The following PHF8 variants were observed in gnomAD, a reference collection of about 807,000 sequenced individuals.
PHF8 encodes histone lysine demethylase PHF8.
A neutral mutation model predicts 74.4 loss-of-function variants in PHF8; 9 were observed. The observed-to-expected ratio is 0.12, with a 90% CI of 0.07 to 0.21. The LOEUF is 0.21. PHF8 is among the 10% of genes least tolerant of loss of function. PHF8 has a pLI of 1.00. For missense variants in PHF8, 478 were observed against 816.6 expected (o/e 0.59, Z 5.05); for synonymous variants, 311 against 316.6 (o/e 0.98, Z 0.19).
At chrX:53,988,907 AT>A (rs1168566088) in intron 14 of PHF8, among the ~76,000 whole-genome samples, 3 of 110,326 alleles carry the variant, frequency 2.7e-5, no homozygotes, top group African/African-American at 9.9e-5. Flanking sequence ...CACAGTATAG[AT>A]TTTATCAAAT....
chrX:53,940,571 C>A, intron 20 of PHF8, 55 bp from the exon 21 acceptor site: 1 of 875,096 alleles, frequency 1.1e-6, no homozygotes, highest in East Asian at 3.3e-5. Flanking sequence ...GACAAGTTCC[C>A]AGGAAAGGAA....
At chrX:54,042,946 G>T in intron 1 of PHF8, 126 bp from the exon 2 acceptor site, 2 of 571,921 alleles carry the variant, frequency 3.5e-6, no homozygotes, top group Non-Finnish European at 5.2e-6. Context: ...GGCTGTAGGG[G>T]GCAACCAGAG....
intron 20 of PHF8, chrX:53,943,424 A>G (rs2064782134): frequency 9.4e-6 from 10 of 1,059,471 alleles, no homozygotes; most frequent in Middle Eastern, 5.1e-4. Flanking sequence ...TGAAAATATC[A>G]CCTGTTGAAC....
In PHF8 at chrX:53,937,863, C is replaced by A. The variant is rs1273791863; in HGVS notation, c.*1295G>T. On this transcript the variant is annotated 3_prime_UTR_variant, in exon 22 of 22. Transcript: ENST00000338154. ...ATGGAGGTGGGGGGATGTTCTCCAT[C>A]GAGTCCAGATTGCCAGTGAGGCAAG... 1.6e-5 allele frequency: 9 copies of A among 571,305 alleles called. No homozygotes were observed. Among genetic ancestry groups the A allele is most frequent in the African/African-American group, 2.3e-5 (1 of 43,773 alleles). 47.1% of individuals were successfully genotyped at this position (571,305 alleles called of 1,213,427 possible).
intron 18 of PHF8, among the ~76,000 whole-genome samples, chrX:53,970,919 C>T (rs1388109942): frequency 1.8e-5 from 2 of 111,338 alleles, no homozygotes; most frequent in Admixed American, 9.6e-5. Context: ...ACCCCACTGA[C>T]GATATTAGAC....
chrX:54,037,405 C>T (rs1222107055), intron 2 of PHF8, among the ~76,000 whole-genome samples: 1 of 111,224 alleles, frequency 9.0e-6, no homozygotes, highest in Non-Finnish European at 1.9e-5. Context: ...GTGCCACCCA[C>T]CCTGCTAATT....
Position 54,044,017 on chromosome X carries a change from G to T in PHF8, c.-348C>A, listed in dbSNP as rs1036786735. 18 of 754,006 alleles carry T rather than the reference G, an allele frequency of 2.4e-5. No homozygotes were observed. The highest frequency in any genetic ancestry group is 2.7e-5 in the Non-Finnish European group (17 of 639,055). The allele number at this position is 754,006 out of a possible 1,213,427, so 62.1% of individuals were successfully genotyped here. A position where few individuals can be genotyped will look rare whatever the true frequency, so the allele number is the denominator to read the frequency against. On this transcript the variant is annotated 5_prime_UTR_variant, in exon 1 of 22. Coordinates refer to ENST00000338154, the MANE Select transcript of PHF8 (RefSeq NM_015107.3). The stretch of plus-strand genomic sequence containing the variant: ...CGAATTCTGGGATAGTCCCCGTACC[G>T]CCGGGAACCTCGCTCGCCTTCCCCT...
chrX:53,996,118 G>A (rs1388542489), intron 11 of PHF8, among the ~76,000 whole-genome samples: 1 of 109,828 alleles, frequency 9.1e-6, no homozygotes, highest in Non-Finnish European at 1.9e-5. Flanking sequence ...AACATTATGA[G>A]ACTTTTTTTT....
At chrX:54,011,709 T>G (rs2149869558) in intron 7 of PHF8, among the ~76,000 whole-genome samples, 1 of 111,158 alleles carries the variant, frequency 9.0e-6, no homozygotes, top group Non-Finnish European at 1.9e-5. Context: ...AGAGTGTTCC[T>G]TCCCACACCT....
At chrX:53,942,162 C>A (rs1374043359) in intron 20 of PHF8, among the ~76,000 whole-genome samples, 1 of 111,830 alleles carries the variant, frequency 8.9e-6, no homozygotes, top group Non-Finnish European at 1.9e-5. Flanking sequence ...GTTAGCAGAT[C>A]CCCGCCCAAG....
At chrX:53,998,000 G>A (rs2149845484) in intron 11 of PHF8, among the ~76,000 whole-genome samples, 2 of 112,279 alleles carry the variant, frequency 1.8e-5, no homozygotes, top group Non-Finnish European at 3.8e-5. Flanking sequence ...ACAGGAAAGG[G>A]AGTATCTGAA....
intron 8 of PHF8, among the ~76,000 whole-genome samples, chrX:54,009,844 GAAAAAAAAAAAAAAAAAAAA>G (rs782363250): frequency 0.022 from 207 of 9,387 alleles, 6 homozygotes; most frequent in East Asian, 0.034. Context: ...CTCTGTCTCA[GAAAAAAAAAAAAAAAAAAAA>G]AAAAAAAAAA....
At chrX:53,955,967 TG>T (rs1340973843) in intron 19 of PHF8, among the ~76,000 whole-genome samples, 2 of 111,334 alleles carry the variant, frequency 1.8e-5, no homozygotes, top group African/African-American at 6.5e-5. Context: ...GTTTTTTGGC[TG>T]GGCGTGGTAG....
chrX:54,015,834 T>C (rs782557547), intron 6 of PHF8, among the ~76,000 whole-genome samples: 1 of 111,292 alleles, frequency 9.0e-6, no homozygotes, highest in African/African-American at 3.3e-5. Flanking sequence ...ACTATATACG[T>C]ATCTACTGTG....
intron 18 of PHF8, among the ~76,000 whole-genome samples, chrX:53,974,883 C>T (rs1376552137): frequency 7.2e-5 from 8 of 111,213 alleles, no homozygotes; most frequent in African/African-American, 2.3e-4. Flanking sequence ...ACATGGGAGG[C>T]GGGGAACAAC....
In PHF8 at chrX:54,001,008, T is replaced by C. The variant is rs375495856; in HGVS notation, c.1142-1047A>G. 2.6e-4 allele frequency among the ~76,000 whole-genome samples: 29 copies of C among 113,014 alleles called. No homozygotes were observed. In the East Asian group the frequency reaches 4.4e-3, roughly 17 times the overall value. ...AATCTAAGAAGGTCACGTACTATAA[T>C]GATTCCATTTATACAATATTTTTGA... is the stretch of plus-strand genomic sequence containing the variant. On this transcript the variant is annotated intron_variant, in intron 10 of 21. Coordinates refer to ENST00000338154, the MANE Select transcript of PHF8 (RefSeq NM_015107.3).
chrX:53,972,824 G>A (rs1166908499), intron 18 of PHF8, among the ~76,000 whole-genome samples: 2 of 111,456 alleles, frequency 1.8e-5, no homozygotes, highest in Non-Finnish European at 3.8e-5. Flanking sequence ...AAGAAATAAA[G>A]GGTATTCAAA....
chrX:54,043,081 A>T (rs192240690), intron 1 of PHF8: 2 of 664,790 alleles, frequency 3.0e-6, no homozygotes, highest in Admixed American at 1.3e-4. Flanking sequence ...GTTGTCAGTG[A>T]TAACTTCTTT....
rs372771109 is a variant in PHF8 at position 53,939,044 on chromosome X, G to C, written c.*114C>G. On this transcript the variant is annotated 3_prime_UTR_variant, in exon 22 of 22. Coordinates refer to ENST00000338154, the MANE Select transcript of PHF8 (RefSeq NM_015107.3). ...GCCTTTGGTAAGTCCCAAGAAAGCAGGACAATGCACCTCAGCACCTTGTCC... is the reference window on the plus strand; with the variant it reads ...GCCTTTGGTAAGTCCCAAGAAAGCACGACAATGCACCTCAGCACCTTGTCC... The C allele has an allele frequency of 3.4e-5, 38 of 1,119,851 alleles. No homozygotes were observed. The East Asian group carries it at 1.1e-3, about 32-fold the overall frequency. 92.3% of individuals were successfully genotyped at this position (1,119,851 alleles called of 1,213,427 possible).
Sources: gnomAD v4.1 joint callset for allele counts (sites outside exome capture counted in the v4.1 genomes callset) on GRCh38, gnomAD v4.1.1 for gene constraint, MANE v1.5 for transcripts, NCBI Gene and HGNC (gene_info 2026-07-23, HGNC 2026-07-21) for gene names.